GMDS: variants seen among roughly 807,000 people sequenced by gnomAD.
GMDS encodes GDP-mannose 4,6 dehydratase.
Under a neutral mutation model 49.9 loss-of-function variants are expected in GMDS, and 20 were observed. The observed-to-expected ratio is 0.40, with a 90% CI of 0.28 to 0.58. The LOEUF (loss-of-function observed/expected upper bound fraction) is 0.58, where lower values mean the gene tolerates loss of function less well. Ranked by LOEUF, GMDS falls within the 20% of genes least tolerant of loss-of-function variation. GMDS has a pLI of 0.42. For synonymous variants in GMDS, 177 were observed against 178.6 expected (o/e 0.99, Z 0.07); for missense variants, 362 against 481.4 (o/e 0.75, Z 2.32).
At chr6:2,154,126 C>A (rs980342770) in intron 1 of GMDS, among the ~76,000 whole-genome samples, 97 of 152,286 alleles carry the variant, frequency 6.4e-4, no homozygotes, top group African/African-American at 2.2e-3. Flanking sequence ...CCAACACGCA[C>A]AATTCCAAGT....
Position 1,687,119 on chromosome 6 carries a change from G to A in GMDS, c.987+39297C>T, listed in dbSNP as rs563348106. On this transcript the variant is annotated intron_variant, in intron 9 of 10. Coordinates refer to ENST00000380815, the MANE Select transcript of GMDS (RefSeq NM_001500.4). ...TTTCCAGGACAAGAGGCGCCACCCC[G>A]TTTGTCAGGCCCCAGAGATGTCCTT... 5.9e-5 allele frequency among the ~76,000 whole-genome samples: 9 copies of A among 152,222 alleles called. 1 individual carries two copies. In the East Asian group the frequency reaches 1.2e-3, roughly 20 times the overall value.
At chr6:1,658,540 C>T (rs1023756772) in intron 9 of GMDS, among the ~76,000 whole-genome samples, 1 of 152,232 alleles carries the variant, frequency 6.6e-6, no homozygotes, top group Non-Finnish European at 1.5e-5. Context: ...CTGTATGACA[C>T]ACTCAGTTGA....
intron 1 of GMDS, among the ~76,000 whole-genome samples, chr6:2,175,537 C>T (rs555774919): frequency 2.0e-5 from 3 of 152,310 alleles, no homozygotes; most frequent in African/African-American, 7.2e-5. Context: ...CATTACTATA[C>T]CTCAGCTTGG....
chr6:2,054,410 T>A (rs1395713832), intron 4 of GMDS, among the ~76,000 whole-genome samples: 1 of 152,178 alleles, frequency 6.6e-6, no homozygotes, highest in East Asian at 1.9e-4. Flanking sequence ...GCAATAAAGA[T>A]AAAGGAATAG....
At chr6:2,005,160 C>T (rs191077114) in intron 4 of GMDS, among the ~76,000 whole-genome samples, 1 of 152,236 alleles carries the variant, frequency 6.6e-6, no homozygotes, top group East Asian at 1.9e-4. Context: ...GAGACTGTTA[C>T]TGTGAGTTTT....
chr6:1,988,929 T>C (rs1240297108), intron 4 of GMDS, among the ~76,000 whole-genome samples: 2 of 151,602 alleles, frequency 1.3e-5, no homozygotes, highest in East Asian at 1.9e-4. Context: ...TCAAGAGTTA[T>C]GCCGGGAGCA....
At chr6:2,237,159 T>C (rs573320769) in intron 1 of GMDS, among the ~76,000 whole-genome samples, 127 of 152,200 alleles carry the variant, frequency 8.3e-4, no homozygotes, top group Non-Finnish European at 1.5e-3. Context: ...TCTACATAAG[T>C]AAATGCCAAA....
intron 7 of GMDS, among the ~76,000 whole-genome samples, chr6:1,780,405 G>A (rs937215362): frequency 6.6e-6 from 1 of 152,216 alleles, no homozygotes; most frequent in South Asian, 2.1e-4. Flanking sequence ...AACTACTACT[G>A]TTATTATGGG....
chr6:2,207,674 A>G (rs969106573), intron 1 of GMDS, among the ~76,000 whole-genome samples: 7 of 151,914 alleles, frequency 4.6e-5, no homozygotes, highest in Non-Finnish European at 1.0e-4. Context: ...ATATTTGTTG[A>G]AGGAATGAAT....
intron 4 of GMDS, among the ~76,000 whole-genome samples, chr6:2,104,244 A>G (rs1430559048): frequency 6.6e-6 from 1 of 152,228 alleles, no homozygotes; most frequent in Non-Finnish European, 1.5e-5. Context: ...TGGATGACAT[A>G]CCTTAAAAGA....
At chr6:1,624,659 C>T (rs1581381925) in intron 9 of GMDS, 119 bp from the exon 10 acceptor site, 2 of 698,804 alleles carry the variant, frequency 2.9e-6, no homozygotes. Context: ...CTCCGGGTTT[C>T]CCTGCTTTCG....
intron 1 of GMDS, among the ~76,000 whole-genome samples, chr6:2,189,974 G>C (rs1040957334): frequency 6.6e-6 from 1 of 152,146 alleles, no homozygotes; most frequent in Non-Finnish European, 1.5e-5. Flanking sequence ...GTAACTCGTG[G>C]TATCAAATGT....
intron 9 of GMDS, among the ~76,000 whole-genome samples, chr6:1,649,544 T>C (rs1763587211): frequency 6.6e-6 from 1 of 152,226 alleles, no homozygotes. Context: ...CCTAGAGGAA[T>C]TGAAATCTGC....
chr6:1,877,644 T>TAAAAAAAAAAAAAAAAAA (rs60037634), intron 7 of GMDS, among the ~76,000 whole-genome samples: 1 of 90,516 alleles, frequency 1.1e-5, no homozygotes, highest in African/African-American at 4.2e-5. Context: ...TCTCAAAAAT[T>TAAAAAAAAAAAAAAAAAA]AAAAAAAAAA....
At chr6:1,691,806 T>C (rs1280811908) in intron 9 of GMDS, among the ~76,000 whole-genome samples, 1 of 152,242 alleles carries the variant, frequency 6.6e-6, no homozygotes, top group African/African-American at 2.4e-5. Flanking sequence ...TTTTTGTTTA[T>C]CACTGGTTTT....
chr6:1,768,127 C>T (rs776519077), intron 7 of GMDS, among the ~76,000 whole-genome samples: 23 of 151,840 alleles, frequency 1.5e-4, no homozygotes, highest in African/African-American at 5.6e-4. Flanking sequence ...AGTACTGAGG[C>T]CTTTAAATAT....
At chr6:1,969,847 T>C (rs1764499313) in intron 4 of GMDS, among the ~76,000 whole-genome samples, 1 of 152,252 alleles carries the variant, frequency 6.6e-6, no homozygotes, top group Non-Finnish European at 1.5e-5. Flanking sequence ...TTCACTGGTT[T>C]AGTGAGCTTG....
At chr6:2,017,616 G>A (rs1767992746) in intron 4 of GMDS, among the ~76,000 whole-genome samples, 1 of 151,940 alleles carries the variant, frequency 6.6e-6, no homozygotes, top group Admixed American at 6.6e-5. Context: ...GCCCACAATT[G>A]ACCCTTTTAA....
At chr6:1,922,195 G>T (rs1223903206) in intron 7 of GMDS, among the ~76,000 whole-genome samples, 2 of 152,172 alleles carry the variant, frequency 1.3e-5, no homozygotes, top group African/African-American at 4.8e-5. Context: ...CCCTCTGCTA[G>T]GAAGACAGGA....
Sources: gnomAD v4.1 joint callset for allele counts (sites outside exome capture counted in the v4.1 genomes callset) on GRCh38, gnomAD v4.1.1 for gene constraint, MANE v1.5 for transcripts, NCBI Gene and HGNC (gene_info 2026-07-23, HGNC 2026-07-21) for gene names.